The following CTNNA2 variants were observed in gnomAD, a reference collection of about 807,000 sequenced individuals.
The protein encoded by CTNNA2 is catenin alpha-2.
A neutral mutation model predicts 101.0 loss-of-function variants in CTNNA2; 42 were observed. That is an observed-to-expected ratio of 0.42 (90% CI 0.32 to 0.54). The LOEUF (loss-of-function observed/expected upper bound fraction) is 0.54. Among genes scored for constraint, CTNNA2 ranks in the 20% least tolerant of loss-of-function variants. The pLI is 0.14. For synonymous variants in CTNNA2, 450 were observed against 456.4 expected, an observed-to-expected ratio of 0.99 and a Z score of 0.18; for missense variants, 871 against 1,223.1, an observed-to-expected ratio of 0.71 and a Z score of 4.29.
intron 1 of CTNNA2, among the ~76,000 whole-genome samples, chr2:79,608,230 T>C (rs1573465752): frequency 6.6e-6 from 1 of 152,010 alleles, no homozygotes; most frequent in African/African-American, 2.4e-5. Context: ...AATAGATAAC[T>C]GAATAGCTCT....
chr2:80,076,494 G>A (rs192856823), intron 7 of CTNNA2, among the ~76,000 whole-genome samples: 49 of 151,696 alleles, frequency 3.2e-4, no homozygotes, highest in African/African-American at 5.3e-4. Context: ...TGTTGCCCAG[G>A]CTGGTCTCGC....
At chr2:80,009,580 T>C (rs1461273031) in intron 7 of CTNNA2, among the ~76,000 whole-genome samples, 2 of 152,130 alleles carry the variant, frequency 1.3e-5, no homozygotes, top group Admixed American at 6.6e-5. Context: ...TTCACACATA[T>C]ACGCTTTTTA....
intron 3 of CTNNA2, among the ~76,000 whole-genome samples, chr2:79,751,489 G>A (rs569584423): frequency 3.3e-5 from 5 of 151,588 alleles, no homozygotes; most frequent in African/African-American, 7.3e-5. Flanking sequence ...CCAGATAGGC[G>A]GGAGGCTGAG....
intron 7 of CTNNA2, among the ~76,000 whole-genome samples, chr2:80,114,483 C>T (rs888453294): frequency 2.0e-5 from 3 of 152,194 alleles, no homozygotes; most frequent in African/African-American, 7.2e-5. Flanking sequence ...GTTCCAGCCT[C>T]GTGGCCATAC....
At position 79,626,617 on chromosome 2, in the gene CTNNA2, GTA is replaced by G. The variant is rs1303298947; in HGVS notation, c.-5-24933_-5-24932del. 6.1e-4 allele frequency among the ~76,000 whole-genome samples: 70 copies of G among 113,970 alleles called. 1 individual carries two copies. Among genetic ancestry groups the G allele is most frequent in the South Asian group, 2.6e-3 (8 of 3,130 alleles). The allele number at this position is 113,970 out of a possible 152,430, so 74.8% of individuals were successfully genotyped here. On this transcript the variant is annotated intron_variant, in intron 1 of 18. Transcript: ENST00000402739. ...TGTATGTGTATGTGCGTGTGTGTGT[GTA>G]TGTGTGTGTGTGTGTGTGTGTGTGT...
rs534469345 is a variant in CTNNA2 at position 80,303,086 on chromosome 2, A to G, written c.1057-90125A>G. On this transcript the variant is annotated intron_variant, in intron 7 of 18. Coordinates refer to ENST00000402739, the MANE Select transcript of CTNNA2 (RefSeq NM_001282597.3). The surrounding 1 kb of genome is among the most constrained non-coding windows in gnomAD (Gnocchi z 7.7). ...GTCCAGCGAGCTGACCACAATGGCC[A>G]CCTTGTTCCTCCGCAGGCAGAGCGA... is the stretch of plus-strand genomic sequence containing the variant. 4.3e-6 allele frequency: 7 copies of G among 1,613,956 alleles called. No homozygotes were observed. In the East Asian group the frequency reaches 1.6e-4, roughly 36 times the overall value.
At chr2:80,076,745 A>G (rs1018596651) in intron 7 of CTNNA2, among the ~76,000 whole-genome samples, 1 of 152,136 alleles carries the variant, frequency 6.6e-6, no homozygotes, top group Admixed American at 6.5e-5. Context: ...ATGCAAATAT[A>G]TAGCCCCTCT....
chr2:80,085,895 G>C (rs1342058454), intron 7 of CTNNA2, among the ~76,000 whole-genome samples: 1 of 152,060 alleles, frequency 6.6e-6, no homozygotes, highest in African/African-American at 2.4e-5. Context: ...GACTGGCTCA[G>C]AGAGTTAATA....
intron 2 of CTNNA2, among the ~76,000 whole-genome samples, chr2:79,242,573 A>G (rs2104257718): frequency 6.6e-6 from 1 of 152,288 alleles, no homozygotes; most frequent in Admixed American, 6.5e-5. Context: ...ATTCTTCTCC[A>G]CAACTACAAT....
chr2:80,109,524 C>T (rs1236967714), intron 7 of CTNNA2, among the ~76,000 whole-genome samples: 1 of 152,134 alleles, frequency 6.6e-6, no homozygotes, highest in African/African-American at 2.4e-5. Context: ...TAGCCTCTGT[C>T]ATACAGAGCC....
intron 3 of CTNNA2, among the ~76,000 whole-genome samples, chr2:79,850,334 C>T (rs1574127933): frequency 8.2e-6 from 1 of 121,544 alleles, no homozygotes; most frequent in Admixed American, 9.4e-5. Context: ...TCCCTCCCTC[C>T]CTCCCTCTCT....
chr2:79,628,150 A>G (rs1005843442), intron 1 of CTNNA2, among the ~76,000 whole-genome samples: 1 of 152,128 alleles, frequency 6.6e-6, no homozygotes, highest in Non-Finnish European at 1.5e-5. Flanking sequence ...AAACACTCAC[A>G]TTAAAAAATT....
At chr2:79,891,996 A>C (rs998219283) in intron 6 of CTNNA2, among the ~76,000 whole-genome samples, 1 of 152,112 alleles carries the variant, frequency 6.6e-6, no homozygotes, top group Non-Finnish European at 1.5e-5. Flanking sequence ...GCAAATATTA[A>C]AGTAGTATAA....
At chr2:79,411,390 G>A (rs935020474) in intron 4 of CTNNA2, among the ~76,000 whole-genome samples, 18 of 151,920 alleles carry the variant, frequency 1.2e-4, no homozygotes, top group African/African-American at 4.4e-4. Context: ...TAATTGTGAT[G>A]TTAGGGTGTC....
chr2:79,786,359 C>G (rs1674846566), intron 3 of CTNNA2, among the ~76,000 whole-genome samples: 1 of 151,912 alleles, frequency 6.6e-6, no homozygotes, highest in Admixed American at 6.6e-5. Flanking sequence ...TAGAAAATGA[C>G]CTTTTTCCCC....
At chr2:80,485,530 A>G (rs1408288154) in intron 9 of CTNNA2, among the ~76,000 whole-genome samples, 2 of 152,236 alleles carry the variant, frequency 1.3e-5, no homozygotes, top group Non-Finnish European at 2.9e-5. Context: ...AAGGTCAGAC[A>G]GTCCATTTAA....
At chr2:80,600,851 G>A in intron 15 of CTNNA2, among the ~76,000 whole-genome samples, 1 of 152,142 alleles carries the variant, frequency 6.6e-6, no homozygotes, top group Non-Finnish European at 1.5e-5. Flanking sequence ...GGGATTACAG[G>A]TGTGAGGCAC....
At chr2:80,151,866 C>A (rs1046324561) in intron 7 of CTNNA2, among the ~76,000 whole-genome samples, 1 of 152,250 alleles carries the variant, frequency 6.6e-6, no homozygotes, top group Non-Finnish European at 1.5e-5. Context: ...TTTTCATCCT[C>A]CTGCTGCTTC....
intron 4 of CTNNA2, among the ~76,000 whole-genome samples, chr2:79,464,952 C>T (rs368183159): frequency 3.9e-5 from 6 of 151,990 alleles, no homozygotes; most frequent in East Asian, 3.9e-4. Context: ...ACTCTGATGG[C>T]AGTTTCTTTT....
Sources: allele counts gnomAD v4.1 joint callset (sites outside exome capture counted in the v4.1 genomes callset), GRCh38; gene constraint gnomAD v4.1.1; non-coding constraint Gnocchi (gnomAD v3.1); transcripts MANE v1.5; gene names NCBI Gene and HGNC (gene_info 2026-07-23, HGNC 2026-07-21).